GNA14: variants seen among roughly 807,000 people sequenced by gnomAD.
The protein encoded by GNA14 is guanine nucleotide-binding protein subunit alpha-14.
Under a neutral mutation model 42.0 loss-of-function variants are expected in GNA14, and 50 were observed. That is an observed-to-expected ratio of 1.19 (90% CI 0.95 to 1.51). GNA14 has a LOEUF of 1.51. GNA14 is among the 40% of genes most tolerant of loss of function. GNA14 has a pLI of 0.00. For synonymous variants in GNA14, 173 were observed against 163.1 expected, an observed-to-expected ratio of 1.06 and a Z score of -0.46; for missense variants, 473 against 446.2, an observed-to-expected ratio of 1.06 and a Z score of -0.54.
intron 1 of GNA14, among the ~76,000 whole-genome samples, chr9:77,545,482 G>T (rs1352451041): frequency 6.6e-6 from 1 of 152,182 alleles, no homozygotes; most frequent in Non-Finnish European, 1.5e-5. Context: ...CCACCACTGT[G>T]AAAGAAAATA....
intron 2 of GNA14, among the ~76,000 whole-genome samples, chr9:77,501,713 C>CTTTTTTTTTTT (rs71358606): frequency 7.7e-6 from 1 of 130,420 alleles, no homozygotes; most frequent in Non-Finnish European, 1.6e-5. Context: ...TGGATAATTT[C>CTTTTTTTTTTT]TTTTTTTTTT....
intron 1 of GNA14, among the ~76,000 whole-genome samples, chr9:77,583,896 G>A (rs1823263140): frequency 1.3e-5 from 2 of 152,052 alleles, no homozygotes; most frequent in Admixed American, 1.3e-4. Flanking sequence ...CTCCACTAGT[G>A]GACCCAAAAG....
chr9:77,640,335 A>T (rs1824237819), intron 1 of GNA14, among the ~76,000 whole-genome samples: 1 of 152,166 alleles, frequency 6.6e-6, no homozygotes, highest in Admixed American at 6.5e-5. Flanking sequence ...GCTTTGCTCC[A>T]ATAATTCACT....
At position 77,556,648 on chromosome 9, in the gene GNA14, T is replaced by C. The variant is rs139853251; in HGVS notation, c.125-27395A>G. ...TGTGCTCAGAGTTCTCCCCCTCCTC[T>C]CTCACTCCTAATCAACCCCAGGTTT... On this transcript the variant is annotated intron_variant, in intron 1 of 6. Transcript: ENST00000341700. 3.9e-5 allele frequency among the ~76,000 whole-genome samples: 6 copies of C among 152,156 alleles called. No individual in the cohort carries two copies. In the East Asian group the frequency reaches 1.2e-3, roughly 29 times the overall value.
At chr9:77,454,207 G>A (rs537445031) in intron 2 of GNA14, among the ~76,000 whole-genome samples, 1 of 152,298 alleles carries the variant, frequency 6.6e-6, no homozygotes, top group South Asian at 2.1e-4. Flanking sequence ...TGGTTCCAAA[G>A]TCTTCACCGT....
At chr9:77,468,051 G>A (rs1836267321) in intron 2 of GNA14, among the ~76,000 whole-genome samples, 1 of 152,112 alleles carries the variant, frequency 6.6e-6, no homozygotes, top group South Asian at 2.1e-4. Flanking sequence ...GGGCTAGAGG[G>A]TATGAGATAC....
chr9:77,506,203 G>A (rs2131746550), intron 2 of GNA14, among the ~76,000 whole-genome samples: 1 of 150,538 alleles, frequency 6.6e-6, no homozygotes, highest in East Asian at 2.0e-4. Context: ...GATTGCTTGA[G>A]CTCAGGAGGT....
chr9:77,429,132 A>G, intron 4 of GNA14, 96 bp from the exon 5 acceptor site: 1 of 1,180,334 alleles, frequency 8.5e-7, no homozygotes, highest in Non-Finnish European at 1.2e-6. Context: ...GTGCTCTTGG[A>G]GTCCTCAGTA....
chr9:77,485,993 A>G (rs1836654114), intron 2 of GNA14, among the ~76,000 whole-genome samples: 1 of 152,206 alleles, frequency 6.6e-6, no homozygotes. Flanking sequence ...CTCCAGCTGC[A>G]TTAACCCCTA....
chr9:77,513,071 T>C (rs962333866), intron 2 of GNA14, among the ~76,000 whole-genome samples: 1 of 152,224 alleles, frequency 6.6e-6, no homozygotes, highest in Non-Finnish European at 1.5e-5. Flanking sequence ...TGTGTAAATA[T>C]TGATAGAGAT....
intron 1 of GNA14, among the ~76,000 whole-genome samples, chr9:77,582,593 T>C (rs1205819884): frequency 6.6e-6 from 1 of 152,196 alleles, no homozygotes; most frequent in East Asian, 1.9e-4. Context: ...TTCTCTCCAG[T>C]CCACCAGATA....
At chr9:77,445,610 G>A (rs560788542) in intron 2 of GNA14, among the ~76,000 whole-genome samples, 1 of 151,938 alleles carries the variant, frequency 6.6e-6, no homozygotes, top group African/African-American at 2.4e-5. Context: ...AGGCATGGTG[G>A]TACGCGCCTG....
intron 2 of GNA14, among the ~76,000 whole-genome samples, chr9:77,462,703 A>G (rs1253107452): frequency 9.4e-6 from 1 of 106,586 alleles, no homozygotes; most frequent in Non-Finnish European, 1.7e-5. Context: ...CCTGGGTGAC[A>G]GAGCAAGACT....
At chr9:77,455,989 C>T (rs2131707582) in intron 2 of GNA14, among the ~76,000 whole-genome samples, 1 of 152,186 alleles carries the variant, frequency 6.6e-6, no homozygotes, top group Middle Eastern at 3.4e-3. Context: ...TATAAGTAGC[C>T]TCTAATGTGT....
At position 77,493,026 on chromosome 9, in the gene GNA14, A is replaced by ATATAT. The variant is rs1261356124; in HGVS notation, c.309+36042_309+36043insATATA. Among the ~76,000 whole-genome samples the ATATAT allele has an allele frequency of 3.3e-3, 170 of 51,594 alleles. 1 individual carries two copies. The highest frequency in any genetic ancestry group is 4.7e-3 in the Non-Finnish European group (142 of 30,420). The allele number at this position is 51,594 out of a possible 152,430, so 33.8% of individuals were successfully genotyped here. On this transcript the variant is annotated intron_variant, in intron 2 of 6. Coordinates refer to ENST00000341700, the MANE Select transcript of GNA14 (RefSeq NM_004297.4). ...AGGAAAAAAAAAAAAAAAAAAAAAAAATATATATATATATATATATTTGGG... is the reference window on the plus strand; with the variant it reads ...AGGAAAAAAAAAAAAAAAAAAAAAAATATATATATATATATATATATATATTTGGG...
chr9:77,426,536 C>T (rs1433682587), intron 5 of GNA14, among the ~76,000 whole-genome samples: 1 of 152,160 alleles, frequency 6.6e-6, no homozygotes, highest in Non-Finnish European at 1.5e-5. Context: ...AATCTCCTGA[C>T]CTCGCGATCC....
chr9:77,556,178 A>T (rs919621491), intron 1 of GNA14, among the ~76,000 whole-genome samples: 1 of 152,186 alleles, frequency 6.6e-6, no homozygotes, highest in Non-Finnish European at 1.5e-5. Flanking sequence ...CAGGAGGCGG[A>T]GGTTGCAGTG....
intron 1 of GNA14, among the ~76,000 whole-genome samples, chr9:77,572,230 A>G (rs910037320): frequency 2.0e-5 from 3 of 152,228 alleles, no homozygotes; most frequent in Non-Finnish European, 4.4e-5. Context: ...AGTGACAACA[A>G]AAGTGTTTTC....
rs368578016 is a variant in GNA14 at position 77,478,633 on chromosome 9, G to C, written c.310-44111C>G. 9.4e-3 allele frequency among the ~76,000 whole-genome samples: 1,436 copies of C among 152,196 alleles called. 15 individuals are homozygous for C. The highest frequency in any genetic ancestry group is 0.034 in the Middle Eastern group (10 of 294). On this transcript the variant is annotated intron_variant, in intron 2 of 6. Coordinates refer to ENST00000341700, the MANE Select transcript of GNA14 (RefSeq NM_004297.4). ...CTTCCACAATGGTTGAACTAGTTTA[G>C]AGTCCCACCAACAGTATAAAAGTGT...
Sources: allele counts gnomAD v4.1 joint callset (sites outside exome capture counted in the v4.1 genomes callset), GRCh38; gene constraint gnomAD v4.1.1; transcripts MANE v1.5; gene names NCBI Gene and HGNC (gene_info 2026-07-23, HGNC 2026-07-21).